The following CHD5 variants were observed in gnomAD, a reference collection of about 807,000 sequenced individuals.
CHD5 encodes ATP-dependent chromatin remodeler CHD5.
In CHD5, 69 loss-of-function variants were observed where a neutral mutation model predicts 230.3. The ratio of observed to expected loss-of-function variants is 0.30; its 90% CI spans 0.25 to 0.37. The LOEUF is 0.37. Among genes scored for constraint, CHD5 ranks in the 10% least tolerant of loss-of-function variants. The probability of loss-of-function intolerance (pLI) is 1.00; values close to 1 mark genes in which losing one functional copy is unlikely to be tolerated. For missense variants in CHD5, 1,827 were observed against 2,622.8 expected, an observed-to-expected ratio of 0.70 and a Z score of 6.63; for synonymous variants, 1,064 against 1,065.9, an observed-to-expected ratio of 1.00 and a Z score of 0.03.
Position 6,180,001 on chromosome 1 carries a change from T to C in CHD5, c.23A>G (p.Glu8Gly), listed in dbSNP as rs1333950052. 3 of 1,382,902 alleles carry C rather than the reference T, an allele frequency of 2.2e-6. No individual in the cohort carries two copies. The highest frequency in any genetic ancestry group is 2.8e-6 in the Non-Finnish European group (3 of 1,056,170). 85.7% of individuals were successfully genotyped at this position (1,382,902 alleles called of 1,614,324 possible). A position where few individuals can be genotyped will look rare whatever the true frequency, so the allele number is the denominator to read the frequency against. The change falls in exon 1 of 42, where the codon GAG (glutamate) becomes GGG (glycine). Residue 8 changes from glutamate (E) to glycine (G), a missense_variant. By Grantham distance (98) the Glu-to-Gly change is moderately conservative. Transcript: ENST00000262450. ...GGCGAACAGCCGCGGCAGCTCCTCCTCGGTGCCCACTGGGCCCCGCATGCC... is the reference window on the plus strand; with the variant it reads ...GGCGAACAGCCGCGGCAGCTCCTCCCCGGTGCCCACTGGGCCCCGCATGCC... Reference protein sequence around the residue: MRGPVGTEEELPRLFAEE... With the variant: MRGPVGTGEELPRLFAEE...
intron 33 of CHD5, chr1:6,113,332 G>T (rs1389423063): frequency 2.2e-6 from 1 of 447,208 alleles, no homozygotes. Flanking sequence ...GCTGAGGTGG[G>T]AGGGTCGCTT....
At chr1:6,166,556 A>G (rs1667258148) in intron 2 of CHD5, among the ~76,000 whole-genome samples, 1 of 152,086 alleles carries the variant, frequency 6.6e-6, no homozygotes, top group Non-Finnish European at 1.5e-5. Context: ...TTTCCCCAGC[A>G]GTCCCTGAAC....
Position 6,121,363 on chromosome 1 carries a change from G to T in CHD5, c.4780-126C>A. 6.7e-7 allele frequency: 1 copy of T among 1,500,398 alleles called. No individual in the cohort carries two copies. The highest frequency in any genetic ancestry group is 9.1e-7 in the Non-Finnish European group (1 of 1,094,600). The allele number at this position is 1,500,398 out of a possible 1,614,324, so 92.9% of individuals were successfully genotyped here. On this transcript the variant is annotated intron_variant, in intron 32 of 41. Coordinates refer to ENST00000262450, the MANE Select transcript of CHD5 (RefSeq NM_015557.3). This position sits in a 1 kb window ranked among gnomAD's most constrained non-coding sequence, Gnocchi z 4.5. ...GTCGCTTGCTCCTAGCCTGCTCCCCGCCGATTCAGAGCCCCGAAAAGGGAG... is the reference window on the plus strand; with the variant it reads ...GTCGCTTGCTCCTAGCCTGCTCCCCTCCGATTCAGAGCCCCGAAAAGGGAG...
Position 6,130,289 on chromosome 1 carries a change from C to G in CHD5, c.3302G>C (p.Arg1101Pro), listed in dbSNP as rs1159184117. The G allele has an allele frequency of 6.2e-7, 1 of 1,613,606 alleles. No individual in the cohort carries two copies. Residue 1101 changes from arginine (R) to proline (P), a missense_variant, in exon 22 of 42, where the codon CGG becomes CCG. This residue lies in a region of CHD5 where 81 missense variants were observed against 245.4 expected (regional missense o/e 0.33). Transcript: ENST00000262450. This position sits in a 1 kb window ranked among gnomAD's most constrained non-coding sequence, Gnocchi z 4.9. Reference sequence around the variant, plus strand: ...CAGGTTGATGCCCAGACCACCTGCCCGGGTTGAGAGGAGGAAGCAGAACTG... The same window carrying G: ...CAGGTTGATGCCCAGACCACCTGCCGGGGTTGAGAGGAGGAAGCAGAACTG... ...AQQFCFLLST[R>P]AGGLGINLAT...
chr1:6,130,075 G>T lies in CHD5; in HGVS notation c.3387+129C>A. 2 of 1,081,060 alleles carry T rather than the reference G, an allele frequency of 1.9e-6. No homozygotes were observed. The highest frequency in any genetic ancestry group is 1.4e-6 in the Non-Finnish European group (1 of 734,998). The allele number at this position is 1,081,060 out of a possible 1,614,324, so 67.0% of individuals were successfully genotyped here. ...GCCCCTCTTGGGGCCGAGACTCCACGGGGGAGGGAGGCCCACAGCACCAGG... is the reference window on the plus strand; with the variant it reads ...GCCCCTCTTGGGGCCGAGACTCCACTGGGGAGGGAGGCCCACAGCACCAGG... On this transcript the variant is annotated intron_variant, in intron 22 of 41. Coordinates refer to ENST00000262450, the MANE Select transcript of CHD5 (RefSeq NM_015557.3). This position sits in a 1 kb window ranked among gnomAD's most constrained non-coding sequence, Gnocchi z 4.9.
rs751780301 is a variant in CHD5 at position 6,129,096 on chromosome 1, G to A, written c.3388-27C>T. The A allele has an allele frequency of 8.4e-6, 13 of 1,545,968 alleles. No individual in the cohort carries two copies. Among genetic ancestry groups the A allele is most frequent in the South Asian group, 3.4e-5 (3 of 88,778 alleles). Reference sequence around the variant, plus strand: ...TGGGGAGACCTGCACCTCAGCACCCGTGGCTCACCCAGGGCTCCAGGCAAT... The same window carrying A: ...TGGGGAGACCTGCACCTCAGCACCCATGGCTCACCCAGGGCTCCAGGCAAT... On this transcript the variant is annotated intron_variant, in intron 22 of 41. Transcript: ENST00000262450. This position sits in a 1 kb window ranked among gnomAD's most constrained non-coding sequence, Gnocchi z 6.8.
chr1:6,143,635 G>A (rs1666864839), intron 13 of CHD5, among the ~76,000 whole-genome samples, 188 bp downstream of exon 13: 1 of 152,176 alleles, frequency 6.6e-6, no homozygotes, highest in South Asian at 2.1e-4. Context: ...TGTGTAAGTA[G>A]CATGTCAGCT....
At chr1:6,135,185 G>T (rs1454313802) in intron 18 of CHD5, 45 bp downstream of exon 18, 2 of 1,609,814 alleles carry the variant, frequency 1.2e-6, no homozygotes, top group Non-Finnish European at 1.7e-6. Flanking sequence ...CCAGCCCAGG[G>T]GAAAGGGCGA....
At chr1:6,136,089 A>G (rs1666742426) in intron 17 of CHD5, among the ~76,000 whole-genome samples, 1 of 151,858 alleles carries the variant, frequency 6.6e-6, no homozygotes, top group Non-Finnish European at 1.5e-5. Context: ...TGAACCCCCC[A>G]TTCTGAGCAG....
In CHD5 at chr1:6,130,258, C is replaced by G; in HGVS notation, c.3333G>C (p.Thr1111=). Reference sequence around the variant, plus strand: ...AGTCGTAGATGATGACAGTGTCCGCCGTGGCCAGGTTGATGCCCAGACCAC... The same window carrying G: ...AGTCGTAGATGATGACAGTGTCCGCGGTGGCCAGGTTGATGCCCAGACCAC... The part of the protein sequence containing the change: ...RAGGLGINLA[T]ADTVIIYDSD... Residue 1111 remains threonine (T), a synonymous_variant, in exon 22 of 42, where the codon ACG becomes ACC. Coordinates refer to ENST00000262450, the MANE Select transcript of CHD5 (RefSeq NM_015557.3). The surrounding 1 kb of genome is among the most constrained non-coding windows in gnomAD (Gnocchi z 4.9). 1 of 1,614,002 alleles carries G rather than the reference C, an allele frequency of 6.2e-7. No individual in the cohort carries two copies. Among genetic ancestry groups the G allele is most frequent in the Non-Finnish European group, 8.5e-7 (1 of 1,179,968 alleles).
chr1:6,179,991 C>T lies in CHD5; in HGVS notation c.33G>A (p.Leu11=). 1.4e-6 allele frequency: 2 copies of T among 1,389,590 alleles called. No homozygotes were observed. The highest frequency in any genetic ancestry group is 2.4e-5 in the Admixed American group (1 of 40,922). 86.1% of individuals were successfully genotyped at this position (1,389,590 alleles called of 1,614,324 possible). A position where few individuals can be genotyped will look rare whatever the true frequency, so the allele number is the denominator to read the frequency against. MRGPVGTEEE[L]PRLFAEEMEN... ...CCATCTCCTCGGCGAACAGCCGCGG[C>T]AGCTCCTCCTCGGTGCCCACTGGGC... is the stretch of plus-strand genomic sequence containing the variant. Residue 11 remains leucine (L), a synonymous_variant, in exon 1 of 42, where the codon CTG becomes CTA. Coordinates refer to ENST00000262450, the MANE Select transcript of CHD5 (RefSeq NM_015557.3).
At chr1:6,136,903 G>C (rs771299858) in intron 15 of CHD5, 38 bp from the exon 16 acceptor site, 1 of 1,570,544 alleles carries the variant, frequency 6.4e-7, no homozygotes, top group Non-Finnish European at 8.6e-7. Flanking sequence ...AGACGGCTGG[G>C]AGCAGAGCGG....
Position 6,146,760 on chromosome 1 carries a change from G to C in CHD5, c.1495C>G (p.Pro499Ala). 8.1e-6 allele frequency: 13 copies of C among 1,608,510 alleles called. No homozygotes were observed. Among genetic ancestry groups the C allele is most frequent in the Non-Finnish European group, 1.0e-5 (12 of 1,176,746 alleles). The change falls in exon 10 of 42, where the codon CCA becomes GCA. Residue 499 changes from proline (P) to alanine (A), a missense_variant. Transcript: ENST00000262450. The surrounding 1 kb of genome is among the most constrained non-coding windows in gnomAD (Gnocchi z 5.1). ...PGPDVEPSLP[P>A]PKPLEGIPER... is the part of the protein sequence containing the mutation. ...GGGATGCCCTCCAGGGGCTTAGGTGGAGGGAGGCTGGGCTCCACGTCAGGC... is the reference window on the plus strand; with the variant it reads ...GGGATGCCCTCCAGGGGCTTAGGTGCAGGGAGGCTGGGCTCCACGTCAGGC...
chr1:6,125,405 C>A lies in CHD5; in HGVS notation c.4260+119G>T. On this transcript the variant is annotated intron_variant, in intron 28 of 41. Coordinates refer to ENST00000262450, the MANE Select transcript of CHD5 (RefSeq NM_015557.3). The surrounding 1 kb of genome is among the most constrained non-coding windows in gnomAD (Gnocchi z 6.7). ...CTGACGGCGAAGACCAGACCAAGTTCTGTCCAAGCTCCGCCTCTACCTGGC... is the reference window on the plus strand; with the variant it reads ...CTGACGGCGAAGACCAGACCAAGTTATGTCCAAGCTCCGCCTCTACCTGGC... 7.7e-7 allele frequency: 1 copy of A among 1,295,508 alleles called. No individual in the cohort carries two copies. The highest frequency in any genetic ancestry group is 1.1e-6 in the Non-Finnish European group (1 of 933,436). 80.3% of individuals were successfully genotyped at this position (1,295,508 alleles called of 1,614,324 possible).
In CHD5 at chr1:6,106,425, T is replaced by G; in HGVS notation, c.5827A>C (p.Asn1943His). The change falls in exon 40 of 42, where the codon AAC becomes CAC. Residue 1943 changes from asparagine (N) to histidine (H), a missense_variant. By Grantham distance (68) the Asn-to-His change is moderately conservative. Coordinates refer to ENST00000262450, the MANE Select transcript of CHD5 (RefSeq NM_015557.3). ...ACATAGGGCCCCAGGGGCATCTGGT[T>G]GTAGTTGACAATCCCTCCCGGTCCA... Reference protein sequence around the residue: ...GPGPGGIVNYNQMPLGPYVTD... With the variant: ...GPGPGGIVNYHQMPLGPYVTD... 1.3e-6 allele frequency: 2 copies of G among 1,586,264 alleles called. No individual in the cohort carries two copies. The highest frequency in any genetic ancestry group is 1.7e-6 in the Non-Finnish European group (2 of 1,166,824).
rs150696430 is a variant in CHD5 at position 6,136,821 on chromosome 1, C to T, written c.2481G>A (p.Glu827=). ...IKFHVLLTSY[E]LITIDQAILG... ...GGATGGCCTGGTCAATGGTGATGAG[C>T]TCATAGGAGGTGAGCAGCACGTGGA... The change falls in exon 16 of 42, where the codon GAG becomes GAA. Residue 827 remains glutamate (E), a synonymous_variant. Coordinates refer to ENST00000262450, the MANE Select transcript of CHD5 (RefSeq NM_015557.3). The T allele has an allele frequency of 2.1e-5, 34 of 1,613,370 alleles. No individual in the cohort carries two copies. Among genetic ancestry groups the T allele is most frequent in the Middle Eastern group, 1.6e-4 (1 of 6,080 alleles).
rs1666702772 is a variant in CHD5 at position 6,134,190 on chromosome 1, G to A, written c.3082C>T (p.Leu1028=). ...AGTTTCTTCAGCATCTTCTGTAGCAGCATGAGCTTCCCTGAAGACTTGACC... is the reference window on the plus strand; with the variant it reads ...AGTTTCTTCAGCATCTTCTGTAGCAACATGAGCTTCCCTGAAGACTTGACC... ...SLVKSSGKLM[L]LQKMLKKLRD... The change falls in exon 20 of 42, where the codon CTG becomes TTG. Residue 1028 remains leucine, a synonymous_variant. Coordinates refer to ENST00000262450, the MANE Select transcript of CHD5 (RefSeq NM_015557.3). The surrounding 1 kb of genome is among the most constrained non-coding windows in gnomAD (Gnocchi z 6.3). 4.3e-6 allele frequency: 7 copies of A among 1,613,794 alleles called. 1 individual carries two copies. Among genetic ancestry groups the A allele is most frequent in the South Asian group, 3.3e-5 (3 of 91,090 alleles).
At position 6,112,268 on chromosome 1, in the gene CHD5, T is replaced by C; in HGVS notation, c.5012A>G (p.Lys1671Arg). ...TTCAATGGGCTCCTTCTCCTCAGCC[T>C]TGGTGTCATCTGCCGGGGACAGATC... The part of the protein sequence containing the change: ...DSSELRPDDT[K>R]AEEKEPIETQ... The change falls in exon 35 of 42, where the codon AAG (lysine) becomes AGG (arginine). Residue 1671 changes from lysine to arginine, a missense_variant. Physicochemically the swap from Lys to Arg is conservative, Grantham distance 26 (BLOSUM62 2). Coordinates refer to ENST00000262450, the MANE Select transcript of CHD5 (RefSeq NM_015557.3). 2 of 1,614,154 alleles carry C rather than the reference T, an allele frequency of 1.2e-6. No homozygotes were observed. The highest frequency in any genetic ancestry group is 1.1e-5 in the South Asian group (1 of 91,074).
chr1:6,141,817 G>A (rs1557550303), intron 15 of CHD5, among the ~76,000 whole-genome samples: 1 of 152,172 alleles, frequency 6.6e-6, no homozygotes, highest in Non-Finnish European at 1.5e-5. Flanking sequence ...GAAGGAGGAA[G>A]GAAGGGTTCT....
Sources: allele counts gnomAD v4.1 joint callset (sites outside exome capture counted in the v4.1 genomes callset), GRCh38; gene constraint gnomAD v4.1.1; regional missense constraint gnomAD v4.1.1; non-coding constraint Gnocchi (gnomAD v3.1); transcripts MANE v1.5; gene names NCBI Gene and HGNC (gene_info 2026-07-23, HGNC 2026-07-21).